C3orf22: variants seen among roughly 807,000 people sequenced by gnomAD.
The protein encoded by C3orf22 is chromosome 3 open reading frame 22, also known as uncharacterized protein C3orf22.
C3orf22 carries 7 observed loss-of-function variants against 10.8 expected under a neutral mutation model. That is an observed-to-expected ratio of 0.65 (90% CI 0.37 to 1.22). The LOEUF (loss-of-function observed/expected upper bound fraction) is 1.22, where lower values mean the gene tolerates loss of function less well. Among genes scored for constraint, C3orf22 ranks in the 50% most tolerant of loss-of-function variants. The pLI is 0.02. For synonymous variants in C3orf22, 79 were observed against 78.9 expected (o/e 1.00, Z 0.00); for missense variants, 173 against 177.0 (o/e 0.98, Z 0.13).
At chr3:126,557,506 G>A (rs1937378386) in intron 1 of C3orf22, among the ~76,000 whole-genome samples, 1 of 152,206 alleles carries the variant, frequency 6.6e-6, no homozygotes, top group Non-Finnish European at 1.5e-5. Flanking sequence ...CCATCCCTCT[G>A]AGGGCGGGGT....
At chr3:126,542,105 C>G in intron 4 of C3orf22, 1 of 1,581,716 alleles carries the variant, frequency 6.3e-7, no homozygotes, top group Non-Finnish European at 8.6e-7. Flanking sequence ...ATCGGCTTAC[C>G]GCAACAAGCT....
intron 1 of C3orf22, 40 bp from the exon 2 acceptor site, chr3:126,553,470 TGGG>T (rs1937253336): frequency 5.5e-6 from 3 of 543,664 alleles, no homozygotes; most frequent in Non-Finnish European, 1.0e-5. Flanking sequence ...GCAGGGGTGG[TGGG>T]GGGCAGAAGG....
At chr3:126,539,537 C>CCA (rs1321400302) in intron 4 of C3orf22, among the ~76,000 whole-genome samples, 1 of 144,130 alleles carries the variant, frequency 6.9e-6, no homozygotes, top group Non-Finnish European at 1.5e-5. Context: ...CATGCACACA[C>CCA]CACACACACC....
chr3:126,554,573 A>G (rs979417268), intron 1 of C3orf22, among the ~76,000 whole-genome samples: 3 of 152,176 alleles, frequency 2.0e-5, no homozygotes, highest in Non-Finnish European at 4.4e-5. Context: ...CCGGCTGTAC[A>G]TACATTTTAA....
exon 5 of C3orf22, chr3:126,529,245 G>T: frequency 8.9e-7 from 1 of 1,117,574 alleles, no homozygotes; most frequent in Non-Finnish European, 1.2e-6. Context: ...GATTGGCAGA[G>T]GAGGCCTTGC....
At chr3:126,533,237 C>A (rs901865807) in intron 4 of C3orf22, among the ~76,000 whole-genome samples, 1 of 152,108 alleles carries the variant, frequency 6.6e-6, no homozygotes, top group African/African-American at 2.4e-5. Context: ...TTTCCCTGCC[C>A]AATTACCCTG....
intron 4 of C3orf22, among the ~76,000 whole-genome samples, chr3:126,537,306 A>C (rs1351746891): frequency 6.6e-6 from 1 of 152,192 alleles, no homozygotes; most frequent in Non-Finnish European, 1.5e-5. Context: ...GGAGGACAGG[A>C]GAGGGAGCAC....
At position 126,550,032 on chromosome 3, in the gene C3orf22, G is replaced by GT. The variant is rs1937146037; in HGVS notation, c.261dup (p.Pro88ThrfsTer37). The GT allele has an allele frequency of 6.2e-7, 1 of 1,613,896 alleles. No homozygotes were observed. Among genetic ancestry groups the GT allele is most frequent in the African/African-American group, 1.3e-5 (1 of 74,888 alleles). On this transcript the variant is annotated frameshift_variant, in exon 4 of 4. Coordinates refer to ENST00000318225, the MANE Select transcript of C3orf22 (RefSeq NM_152533.3). LOFTEE classifies it low-confidence loss of function (END_TRUNC). ...GGAGGTGGTGATGGTGCTGGTAGTG[G>GT]TGCCGGGCAGGAGCCAGACGGTGAT...
chr3:126,530,915 T>C (rs1936644690), intron 4 of C3orf22, among the ~76,000 whole-genome samples: 1 of 152,214 alleles, frequency 6.6e-6, no homozygotes, highest in Non-Finnish European at 1.5e-5. Context: ...TTACAGGATG[T>C]GGCCTGGGCG....
intron 3 of C3orf22, among the ~76,000 whole-genome samples, chr3:126,551,517 G>T (rs763072211): frequency 6.6e-6 from 1 of 152,200 alleles, no homozygotes; most frequent in African/African-American, 2.4e-5. Context: ...TTCTTTGAGC[G>T]CCCCATGCAT....
At chr3:126,536,227 G>A (rs370113692) in intron 4 of C3orf22, 7 of 1,566,120 alleles carry the variant, frequency 4.5e-6, no homozygotes, top group South Asian at 2.2e-5. Context: ...GTCCATGCAA[G>A]TCCCTCTGAT....
In C3orf22 at chr3:126,528,680, G is replaced by T. The variant is rs933179181; in HGVS notation, c.*218+452C>A. 1.4e-4 allele frequency among the ~76,000 whole-genome samples: 21 copies of T among 152,322 alleles called. No individual in the cohort carries two copies. The East Asian group carries it at 4.1e-3, about 29-fold the overall frequency. On this transcript the variant is annotated intron_variant and NMD_transcript_variant, in intron 5 of 5. Transcript: ENST00000505070. Reference sequence around the variant, plus strand: ...AGGGTTCTGGAGGCACAGCCGACAGGACTGTGCTCAAGGGGGATCTGGGCA... The same window carrying T: ...AGGGTTCTGGAGGCACAGCCGACAGTACTGTGCTCAAGGGGGATCTGGGCA...
At chr3:126,542,424 CGCCGCGGCCCCGGGGA>C in intron 4 of C3orf22, 1 of 1,551,712 alleles carries the variant, frequency 6.4e-7, no homozygotes, top group Non-Finnish European at 8.7e-7. Flanking sequence ...TTCCCTGGGC[CGCCGCGGCCCCGGGGA>C]GCCGCCGCCT....
At chr3:126,538,247 C>T (rs1936840234) in intron 4 of C3orf22, among the ~76,000 whole-genome samples, 1 of 152,244 alleles carries the variant, frequency 6.6e-6, no homozygotes, top group African/African-American at 2.4e-5. Flanking sequence ...CAGCTGCCCA[C>T]CATCGTCCTC....
At chr3:126,545,068 C>G (rs1379174793), downstream of C3orf22, among the ~76,000 whole-genome samples, 1 of 152,238 alleles carries the variant, frequency 6.6e-6, no homozygotes, top group East Asian at 1.9e-4. Flanking sequence ...CCTGTGGGAT[C>G]CCAGCTGGAT....
chr3:126,538,279 G>A lies in C3orf22; in HGVS notation c.287-8907C>T, dbSNP rs550601969. ...CCTCCGGATGTTGACTTCTGTCATAGAGCTGGCCTCCTGACTATAAGAGGA... is the reference window on the plus strand; with the variant it reads ...CCTCCGGATGTTGACTTCTGTCATAAAGCTGGCCTCCTGACTATAAGAGGA... On this transcript the variant is annotated intron_variant and NMD_transcript_variant, in intron 4 of 5. Coordinates refer to the C3orf22 transcript ENST00000505070. Among the ~76,000 whole-genome samples, 159 of 152,364 alleles carry A rather than the reference G, an allele frequency of 1.0e-3. 1 individual carries two copies. The Middle Eastern group carries it at 0.014, about 13-fold the overall frequency.
intron 4 of C3orf22, among the ~76,000 whole-genome samples, chr3:126,535,651 G>T (rs1187068000): frequency 6.6e-6 from 1 of 152,216 alleles, no homozygotes; most frequent in East Asian, 1.9e-4. Context: ...CAGCATCACT[G>T]TCCTCAGCTG....
intron 4 of C3orf22, chr3:126,542,518 C>A: frequency 6.4e-7 from 1 of 1,551,580 alleles, no homozygotes; most frequent in Non-Finnish European, 8.7e-7. Flanking sequence ...TCTTCGACCT[C>A]TACAAGATGG....
chr3:126,531,438 C>G (rs1236687955), intron 4 of C3orf22, among the ~76,000 whole-genome samples: 1 of 151,840 alleles, frequency 6.6e-6, no homozygotes, highest in Non-Finnish European at 1.5e-5. Flanking sequence ...ATCACAGAAG[C>G]ATTTATCCTT....
Sources: gnomAD v4.1 joint callset for allele counts (sites outside exome capture counted in the v4.1 genomes callset) on GRCh38, gnomAD v4.1.1 for gene constraint, MANE v1.5 for transcripts, NCBI Gene and HGNC (gene_info 2026-07-23, HGNC 2026-07-21) for gene names.